FSTL5: variants seen among roughly 807,000 people sequenced by gnomAD.
FSTL5 encodes the protein follistatin like 5, also known as follistatin-related protein 5.
In FSTL5, 62 loss-of-function variants were observed where a neutral mutation model predicts 89.1. The observed-to-expected ratio is 0.70, with a 90% CI of 0.57 to 0.86. The LOEUF is 0.86. Ranked by LOEUF, FSTL5 falls within the 40% of genes least tolerant of loss-of-function variation. FSTL5 has a pLI of 0.00. For synonymous variants in FSTL5, 383 were observed against 346.2 expected, an observed-to-expected ratio of 1.11 and a Z score of -1.18; for missense variants, 1,057 against 1,001.6, an observed-to-expected ratio of 1.06 and a Z score of -0.75.
chr4:161,854,024 T>A (rs1184996527), intron 4 of FSTL5, among the ~76,000 whole-genome samples: 1 of 152,160 alleles, frequency 6.6e-6, no homozygotes, highest in African/African-American at 2.4e-5. Flanking sequence ...ATAAAAGCTA[T>A]CATAACAGCA....
chr4:161,813,424 T>A (rs1010082863), intron 4 of FSTL5, among the ~76,000 whole-genome samples: 2 of 151,816 alleles, frequency 1.3e-5, no homozygotes, highest in Admixed American at 6.6e-5. Flanking sequence ...ATAAAAAAAA[T>A]TTGGGGGGCG....
chr4:162,149,476 AT>A lies in FSTL5; in HGVS notation c.-17+14138del, dbSNP rs200634926. On this transcript the variant is annotated intron_variant, in intron 1 of 15. Coordinates refer to ENST00000306100, the MANE Select transcript of FSTL5 (RefSeq NM_020116.5). The stretch of plus-strand genomic sequence containing the variant: ...CCCTATCTCTACAAAGAAATGTAAA[AT>A]TTAAAAAAAAAAAATTAGTTCTGTG... 1.2e-4 allele frequency among the ~76,000 whole-genome samples: 17 copies of A among 140,470 alleles called. No homozygotes were observed. In the South Asian group the frequency reaches 1.6e-3, roughly 13 times the overall value. 92.2% of individuals were successfully genotyped at this position (140,470 alleles called of 152,430 possible). A position where few individuals can be genotyped will look rare whatever the true frequency, so the allele number is the denominator to read the frequency against.
At chr4:162,022,416 G>T (rs762945090) in intron 3 of FSTL5, among the ~76,000 whole-genome samples, 2 of 151,564 alleles carry the variant, frequency 1.3e-5, no homozygotes, top group East Asian at 3.9e-4. Flanking sequence ...GAGTTTTAAA[G>T]AAACTTAAAA....
chr4:161,752,777 T>A lies in FSTL5; in HGVS notation c.727+6634A>T, dbSNP rs187558471. 1.7e-3 allele frequency among the ~76,000 whole-genome samples: 264 copies of A among 152,306 alleles called. 1 individual carries two copies. The highest frequency in any genetic ancestry group is 5.6e-3 in the African/African-American group (233 of 41,556). On this transcript the variant is annotated intron_variant, in intron 6 of 15. Transcript: ENST00000306100. ...GCCCTAACCCTCAATGTGACTATAT[T>A]TGGAGATAGGGCCTAAAATAACGTT...
At chr4:161,491,930 T>G (rs1729892762) in intron 12 of FSTL5, among the ~76,000 whole-genome samples, 1 of 152,118 alleles carries the variant, frequency 6.6e-6, no homozygotes, top group African/African-American at 2.4e-5. Flanking sequence ...GGCAATATAG[T>G]TCTGCTGCCA....
At chr4:161,766,718 C>A (rs1167369820) in intron 5 of FSTL5, among the ~76,000 whole-genome samples, 2 of 152,132 alleles carry the variant, frequency 1.3e-5, no homozygotes, top group South Asian at 4.1e-4. Context: ...TGAATTTAAT[C>A]AGAGGCTAAT....
chr4:161,980,579 T>C (rs1735798319), intron 3 of FSTL5, among the ~76,000 whole-genome samples: 1 of 152,004 alleles, frequency 6.6e-6, no homozygotes. Flanking sequence ...ATCCTCAATT[T>C]AGTCTTTTGC....
intron 11 of FSTL5, among the ~76,000 whole-genome samples, chr4:161,503,017 G>A (rs1308570048): frequency 6.6e-6 from 1 of 151,296 alleles, no homozygotes; most frequent in East Asian, 1.9e-4. Context: ...ATGACAAAGA[G>A]GGATGATAAA....
rs1730459766 is a variant in FSTL5 at position 161,820,603 on chromosome 4, T to G, written c.410-44529A>C. Among the ~76,000 whole-genome samples, 4 of 152,260 alleles carry G rather than the reference T, an allele frequency of 2.6e-5. No individual in the cohort carries two copies. In the South Asian group the frequency reaches 8.3e-4, roughly 32 times the overall value. On this transcript the variant is annotated intron_variant, in intron 4 of 15. Transcript: ENST00000306100. ...TATTTAGCACATGGAAAATTAGCAGTAGTGATGCGTGAAAATTGAAGGCCT... is the reference window on the plus strand; with the variant it reads ...TATTTAGCACATGGAAAATTAGCAGGAGTGATGCGTGAAAATTGAAGGCCT...
intron 4 of FSTL5, among the ~76,000 whole-genome samples, chr4:161,900,644 AAAAAAAAAAAAAAAGAAAG>A (rs1202568138): frequency 1.1e-5 from 1 of 91,430 alleles, no homozygotes; most frequent in African/African-American, 3.5e-5. Context: ...ATCTCAAAAA[AAAAAAAAAAAAAAAGAAAG>A]AAAGAAAGAA....
intron 15 of FSTL5, among the ~76,000 whole-genome samples, chr4:161,443,722 T>G (rs62326371): frequency 0.085 from 12,951 of 151,940 alleles, 719 homozygotes; most frequent in Non-Finnish European, 0.12. Context: ...GTTGCATGAA[T>G]TAAGAGTGAT....
At chr4:161,503,294 A>C (rs958219022) in intron 11 of FSTL5, among the ~76,000 whole-genome samples, 3 of 151,804 alleles carry the variant, frequency 2.0e-5, no homozygotes, top group African/African-American at 7.2e-5. Context: ...AACACTACTG[A>C]AAAAAGCAAA....
intron 1 of FSTL5, among the ~76,000 whole-genome samples, chr4:162,114,184 C>CT (rs145358611): frequency 1.1e-4 from 16 of 151,958 alleles, no homozygotes; most frequent in South Asian, 6.2e-4. Flanking sequence ...ACCCATCCCC[C>CT]TTTTTTTTGT....
intron 4 of FSTL5, among the ~76,000 whole-genome samples, chr4:161,870,015 T>A (rs1485734475): frequency 6.6e-6 from 1 of 152,206 alleles, no homozygotes; most frequent in Non-Finnish European, 1.5e-5. Flanking sequence ...TAGCTCTGAT[T>A]AATATCAACA....
At chr4:162,162,860 C>T (rs2110774163) in intron 1 of FSTL5, among the ~76,000 whole-genome samples, 1 of 152,262 alleles carries the variant, frequency 6.6e-6, no homozygotes. Context: ...ATAATACAAG[C>T]GAATACTGTA....
intron 1 of FSTL5, among the ~76,000 whole-genome samples, chr4:162,158,880 A>G (rs369809041): frequency 6.6e-6 from 1 of 152,112 alleles, no homozygotes; most frequent in East Asian, 1.9e-4. Flanking sequence ...ATCAAAGACC[A>G]AATGATACCA....
At chr4:162,116,371 A>G (rs1210170462) in intron 1 of FSTL5, among the ~76,000 whole-genome samples, 1 of 152,168 alleles carries the variant, frequency 6.6e-6, no homozygotes, top group Non-Finnish European at 1.5e-5. Context: ...GCTGTAACAC[A>G]CTTCGCATGT....
At chr4:161,792,176 G>A (rs1423883369) in intron 4 of FSTL5, among the ~76,000 whole-genome samples, 4 of 152,102 alleles carry the variant, frequency 2.6e-5, no homozygotes, top group Non-Finnish European at 5.9e-5. Flanking sequence ...CCGAGCCCAG[G>A]CACTATCATA....
At chr4:161,844,908 G>A (rs1444751230) in intron 4 of FSTL5, among the ~76,000 whole-genome samples, 2 of 151,912 alleles carry the variant, frequency 1.3e-5, no homozygotes, top group African/African-American at 4.8e-5. Context: ...TTCTGCACAT[G>A]TATCCCAGAA....
Sources: allele counts gnomAD v4.1 joint callset (sites outside exome capture counted in the v4.1 genomes callset), GRCh38; gene constraint gnomAD v4.1.1; transcripts MANE v1.5; gene names NCBI Gene and HGNC (gene_info 2026-07-23, HGNC 2026-07-21).